The following ABL2 variants were observed in gnomAD, a reference collection of about 807,000 sequenced individuals.
The protein encoded by ABL2 is tyrosine-protein kinase ABL2.
Under a neutral mutation model 107.7 loss-of-function variants are expected in ABL2, and 49 were observed. The observed-to-expected ratio is 0.45, with a 90% CI of 0.36 to 0.58. The LOEUF (loss-of-function observed/expected upper bound fraction) is 0.58, where lower values mean the gene tolerates loss of function less well. Among genes scored for constraint, ABL2 ranks in the 20% least tolerant of loss-of-function variants. The pLI is 0.00. For missense variants in ABL2, 1,245 were observed against 1,457.0 expected, an observed-to-expected ratio of 0.85 and a Z score of 2.37; for synonymous variants, 549 against 548.6, an observed-to-expected ratio of 1.00 and a Z score of -0.01.
At position 179,131,441 on chromosome 1, in the gene ABL2, C is replaced by T. The variant is rs748473268; in HGVS notation, c.261G>A (p.Gln87=). 6.2e-7 allele frequency: 1 copy of T among 1,613,978 alleles called. No individual in the cohort carries two copies. The highest frequency in any genetic ancestry group is 8.5e-7 in the Non-Finnish European group (1 of 1,179,984). ...TCCACCTGATAGCCTCATTTAGTGC[C>T]TGGGGTTCAACATCACAACCATAGG... ...HRPYGCDVEP[Q]ALNEAIRWSS... is the part of the protein sequence containing the mutation. The change falls in exon 3 of 12, where the codon CAG becomes CAA. Residue 87 remains glutamine, a synonymous_variant. Transcript: ENST00000502732.
At chr1:179,110,861 G>A in intron 10 of ABL2, 3 of 1,613,798 alleles carry the variant, frequency 1.9e-6, no homozygotes, top group Non-Finnish European at 2.5e-6. Flanking sequence ...GGATCACAGG[G>A]TATACGTGTA....
intron 1 of ABL2, among the ~76,000 whole-genome samples, chr1:179,172,531 G>A (rs1659780758): frequency 6.6e-6 from 1 of 152,182 alleles, no homozygotes; most frequent in South Asian, 2.1e-4. Flanking sequence ...TAGAGCCTTA[G>A]AATGTAAAGA....
chr1:179,229,150 AC>A, intron 1 of ABL2, 90 bp downstream of exon 1: 1 of 1,320,222 alleles, frequency 7.6e-7, no homozygotes, highest in Non-Finnish European at 1.0e-6. Flanking sequence ...CCACCCTCCG[AC>A]CCCTCGGGCA....
intron 1 of ABL2, among the ~76,000 whole-genome samples, chr1:179,176,246 T>C (rs1166718568): frequency 6.6e-6 from 1 of 151,988 alleles, no homozygotes; most frequent in African/African-American, 2.4e-5. Flanking sequence ...TACAGAAAAA[T>C]AGAATAAATA....
intron 1 of ABL2, among the ~76,000 whole-genome samples, chr1:179,182,761 T>C (rs1361439114): frequency 6.6e-6 from 1 of 152,220 alleles, no homozygotes; most frequent in African/African-American, 2.4e-5. Context: ...ATTTTGCATA[T>C]TTAAATTTAT....
chr1:179,133,731 T>G (rs2102674658), intron 1 of ABL2, among the ~76,000 whole-genome samples: 1 of 152,322 alleles, frequency 6.6e-6, no homozygotes, highest in East Asian at 1.9e-4. Flanking sequence ...TTAAAATCAA[T>G]CAGGATAGTA....
chr1:179,203,994 G>A (rs1661817757), intron 1 of ABL2, among the ~76,000 whole-genome samples: 1 of 152,080 alleles, frequency 6.6e-6, no homozygotes, highest in Admixed American at 6.6e-5. Context: ...AGGATTAAAA[G>A]TTTTAGGCTT....
rs1653460188 is a variant in ABL2 at position 179,106,170 on chromosome 1, A to C, written c.*1548T>G. ...GGGGAGGATGGGGGAAGTATTCATA[A>C]AGCTTTAAAAAGAGAATGAAGCAGT... On this transcript the variant is annotated 3_prime_UTR_variant, in exon 12 of 12. Transcript: ENST00000502732. 1 of 222,394 alleles carries C rather than the reference A, an allele frequency of 4.5e-6. No homozygotes were observed. Among genetic ancestry groups the C allele is most frequent in the Admixed American group, 5.7e-5 (1 of 17,426 alleles). 13.8% of individuals were successfully genotyped at this position (222,394 alleles called of 1,614,324 possible).
At chr1:179,174,017 C>T (rs1323980930) in intron 1 of ABL2, among the ~76,000 whole-genome samples, 7 of 152,222 alleles carry the variant, frequency 4.6e-5, no homozygotes, top group Non-Finnish European at 7.4e-5. Flanking sequence ...TGGCCGGGTG[C>T]GGTGGCTCAC....
intron 3 of ABL2, among the ~76,000 whole-genome samples, chr1:179,127,215 A>G (rs1448648372): frequency 1.3e-5 from 2 of 152,238 alleles, no homozygotes; most frequent in East Asian, 3.8e-4. Flanking sequence ...CAAACAAAAA[A>G]AAACACGGAC....
At chr1:179,115,518 G>C (rs2102604180) in intron 8 of ABL2, among the ~76,000 whole-genome samples, 1 of 152,254 alleles carries the variant, frequency 6.6e-6, no homozygotes, top group South Asian at 2.1e-4. Flanking sequence ...CTCAAGCCAT[G>C]CTTCTCCTTC....
chr1:179,183,851 A>T (rs2102804458), intron 1 of ABL2: 1 of 192,916 alleles, frequency 5.2e-6, no homozygotes, highest in South Asian at 1.1e-4. Flanking sequence ...ATGGCCCCTA[A>T]ATGCTAGTCT....
At chr1:179,219,375 C>G (rs1466669836) in intron 1 of ABL2, among the ~76,000 whole-genome samples, 1 of 151,718 alleles carries the variant, frequency 6.6e-6, no homozygotes, top group Non-Finnish European at 1.5e-5. Flanking sequence ...ACTTTACATC[C>G]AGAGGTAAAA....
At chr1:179,198,186 A>AG (rs1323212111) in intron 1 of ABL2, among the ~76,000 whole-genome samples, 1 of 151,756 alleles carries the variant, frequency 6.6e-6, no homozygotes, top group South Asian at 2.1e-4. Context: ...AAAAAAAAAA[A>AG]AAAAGTTTTC....
At chr1:179,144,368 G>A (rs1217568770) in intron 1 of ABL2, among the ~76,000 whole-genome samples, 1 of 152,056 alleles carries the variant, frequency 6.6e-6, no homozygotes, top group African/African-American at 2.4e-5. Flanking sequence ...GCTGAGGCAG[G>A]AGAAAGGCAT....
Position 179,117,524 on chromosome 1 carries a change from A to G in ABL2, c.1224-8T>C. 1 of 1,613,790 alleles carries G rather than the reference A, an allele frequency of 6.2e-7. No individual in the cohort carries two copies. The highest frequency in any genetic ancestry group is 8.5e-7 in the Non-Finnish European group (1 of 1,179,968). On this transcript the variant is annotated splice_region_variant and splice_polypyrimidine_tract_variant and intron_variant, in intron 7 of 11. Transcript: ENST00000502732. Reference sequence around the variant, plus strand: ...TTACGAGCTGCAAGATCTCTGTGGGAAAGAGAACCCTAATGTGATTCCATT... The same window carrying G: ...TTACGAGCTGCAAGATCTCTGTGGGGAAGAGAACCCTAATGTGATTCCATT...
At chr1:179,227,781 A>G (rs1663301672) in intron 1 of ABL2, among the ~76,000 whole-genome samples, 1 of 152,174 alleles carries the variant, frequency 6.6e-6, no homozygotes, top group Non-Finnish European at 1.5e-5. Context: ...GGCCAGGCGC[A>G]GTGCCTCACG....
chr1:179,199,641 T>C (rs766491337), intron 1 of ABL2, among the ~76,000 whole-genome samples: 1 of 152,168 alleles, frequency 6.6e-6, no homozygotes, highest in African/African-American at 2.4e-5. Context: ...ATTATCCTCA[T>C]TTTATAAATG....
At chr1:179,119,558 GAAAAAA>G (rs540402752) in intron 6 of ABL2, among the ~76,000 whole-genome samples, 1 of 121,620 alleles carries the variant, frequency 8.2e-6, no homozygotes, top group Non-Finnish European at 1.8e-5. Context: ...CCAAAAAAAA[GAAAAAA>G]AAAAAAACCT....
Sources: gnomAD v4.1 joint callset for allele counts (sites outside exome capture counted in the v4.1 genomes callset) on GRCh38, gnomAD v4.1.1 for gene constraint, MANE v1.5 for transcripts, NCBI Gene and HGNC (gene_info 2026-07-23, HGNC 2026-07-21) for gene names.